FHIT: variants seen among roughly 807,000 people sequenced by gnomAD.
FHIT encodes the protein fragile histidine triad diadenosine triphosphatase.
A neutral mutation model predicts 17.9 loss-of-function variants in FHIT; 19 were observed. That is an observed-to-expected ratio of 1.06 (90% CI 0.74 to 1.56). FHIT has a LOEUF of 1.56. Among genes scored for constraint, FHIT ranks in the 40% most tolerant of loss-of-function variants. FHIT has a pLI of 0.00. For missense variants in FHIT, 248 were observed against 189.2 expected (o/e 1.31, Z -1.82); for synonymous variants, 81 against 69.7 (o/e 1.16, Z -0.81).
rs1321577831 is a variant in FHIT at position 60,895,661 on chromosome 3, CCTTCCTTTCTTTCTTTCTTTCTTT to C, written c.-110-73674_-110-73651del. Among the ~76,000 whole-genome samples the C allele has an allele frequency of 5.9e-3, 825 of 139,164 alleles. 21 individuals carry two copies. The highest frequency in any genetic ancestry group is 0.023 in the African/African-American group (771 of 34,160). The allele number at this position is 139,164 out of a possible 152,430, so 91.3% of individuals were successfully genotyped here. ...CTTTCCTTCCTTTCCCTCCTTCCTT[CCTTCCTTTCTTTCTTTCTTTCTTT>C]CTTTCTTTCTTTCTTTCTTTCTTTC... On this transcript the variant is annotated intron_variant, in intron 3 of 9. Transcript: ENST00000492590.
At chr3:60,991,048 A>T (rs1198318136) in intron 3 of FHIT, among the ~76,000 whole-genome samples, 2 of 152,190 alleles carry the variant, frequency 1.3e-5, no homozygotes, top group Admixed American at 1.3e-4. Flanking sequence ...TTGGGAAAAA[A>T]ATAAAGTAAG....
intron 5 of FHIT, among the ~76,000 whole-genome samples, chr3:60,170,660 AAATC>A (rs1701379203): frequency 6.6e-6 from 1 of 152,138 alleles, no homozygotes; most frequent in African/African-American, 2.4e-5. Flanking sequence ...AAATGAAAGA[AAATC>A]AAAGCAGGTT....
intron 5 of FHIT, among the ~76,000 whole-genome samples, chr3:60,105,783 T>G (rs1437106712): frequency 6.6e-6 from 1 of 152,144 alleles, no homozygotes; most frequent in Non-Finnish European, 1.5e-5. Flanking sequence ...CATCATGAAG[T>G]ATTTTACTTT....
chr3:60,029,338 TA>T (rs928054260), intron 5 of FHIT, among the ~76,000 whole-genome samples: 1 of 152,088 alleles, frequency 6.6e-6, no homozygotes, highest in Non-Finnish European at 1.5e-5. Context: ...TCCAATGTGT[TA>T]AAAAATATTG....
chr3:60,613,270 T>C (rs1027285518), intron 4 of FHIT, among the ~76,000 whole-genome samples: 3 of 152,132 alleles, frequency 2.0e-5, no homozygotes, highest in African/African-American at 7.2e-5. Context: ...AGTACAACCC[T>C]GAGACCTGTC....
chr3:59,875,431 GTCC>G (rs1703108413), intron 8 of FHIT, among the ~76,000 whole-genome samples: 1 of 152,164 alleles, frequency 6.6e-6, no homozygotes. Context: ...CCTGCCTGGC[GTCC>G]TCAAGACTCT....
At chr3:61,054,036 C>G (rs1189918786) in intron 2 of FHIT, among the ~76,000 whole-genome samples, 5 of 152,196 alleles carry the variant, frequency 3.3e-5, no homozygotes, top group South Asian at 4.1e-4. Flanking sequence ...CCTGTCTGAA[C>G]AGGCTCTCAC....
chr3:60,940,257 C>A (rs1553774141), intron 3 of FHIT, among the ~76,000 whole-genome samples: 1 of 151,906 alleles, frequency 6.6e-6, no homozygotes. Flanking sequence ...GAAAAATTGC[C>A]CTGTAAATCA....
chr3:60,490,824 T>C (rs1176513332), intron 5 of FHIT, among the ~76,000 whole-genome samples: 4 of 152,198 alleles, frequency 2.6e-5, no homozygotes, highest in Non-Finnish European at 4.4e-5. Flanking sequence ...ACAGGGTAGA[T>C]AGTAGCATCA....
At chr3:60,244,488 A>C (rs1347154714) in intron 5 of FHIT, among the ~76,000 whole-genome samples, 4 of 152,102 alleles carry the variant, frequency 2.6e-5, no homozygotes, top group African/African-American at 9.7e-5. Flanking sequence ...TAACAAGATA[A>C]TCATGAGCCT....
intron 4 of FHIT, among the ~76,000 whole-genome samples, chr3:60,698,338 T>G (rs1553701225): frequency 1.3e-5 from 2 of 152,112 alleles, no homozygotes; most frequent in Non-Finnish European, 2.9e-5. Context: ...AAAGAGGCGT[T>G]TCAGGAATAT....
At chr3:60,370,724 T>A (rs935136000) in intron 5 of FHIT, among the ~76,000 whole-genome samples, 2 of 152,198 alleles carry the variant, frequency 1.3e-5, no homozygotes, top group Admixed American at 6.5e-5. Flanking sequence ...TTTCCATCTC[T>A]GCTCTAATGC....
At chr3:60,159,324 T>G (rs188181148) in intron 5 of FHIT, among the ~76,000 whole-genome samples, 251 of 152,270 alleles carry the variant, frequency 1.6e-3, no homozygotes, top group Middle Eastern at 3.4e-3. Context: ...TTTTGCCATG[T>G]TACCCAGGCT....
At chr3:60,562,845 T>G (rs1167079854) in intron 4 of FHIT, among the ~76,000 whole-genome samples, 2 of 152,160 alleles carry the variant, frequency 1.3e-5, no homozygotes, top group African/African-American at 4.8e-5. Flanking sequence ...TTGTTTATTT[T>G]GGAATTCATT....
intron 7 of FHIT, among the ~76,000 whole-genome samples, chr3:59,947,940 C>A (rs1240436649): frequency 1.3e-5 from 2 of 152,058 alleles, no homozygotes; most frequent in Non-Finnish European, 2.9e-5. Context: ...AACATTAATG[C>A]CCTTGAGATC....
intron 4 of FHIT, among the ~76,000 whole-genome samples, chr3:60,762,328 G>C (rs1699685615): frequency 6.6e-6 from 1 of 152,158 alleles, no homozygotes; most frequent in Non-Finnish European, 1.5e-5. Context: ...TTGATAGGCA[G>C]GGCTTCCAAA....
intron 7 of FHIT, among the ~76,000 whole-genome samples, chr3:60,008,184 T>C (rs1160429437): frequency 3.3e-5 from 5 of 152,016 alleles, no homozygotes; most frequent in Non-Finnish European, 7.4e-5. Context: ...GAGTAGGGGC[T>C]TTAGGAGAGC....
At chr3:59,902,166 G>A (rs1379849607) in intron 8 of FHIT, among the ~76,000 whole-genome samples, 1 of 152,032 alleles carries the variant, frequency 6.6e-6, no homozygotes, top group Non-Finnish European at 1.5e-5. Context: ...TTTTCCGAAG[G>A]GGACATACAA....
At chr3:60,144,271 G>A (rs1451147597) in intron 5 of FHIT, among the ~76,000 whole-genome samples, 2 of 152,182 alleles carry the variant, frequency 1.3e-5, no homozygotes, top group Non-Finnish European at 1.5e-5. Flanking sequence ...AATAACAACA[G>A]TAATAGCTGA....
Sources: gnomAD v4.1 joint callset for allele counts (sites outside exome capture counted in the v4.1 genomes callset) on GRCh38, gnomAD v4.1.1 for gene constraint, MANE v1.5 for transcripts, NCBI Gene and HGNC (gene_info 2026-07-23, HGNC 2026-07-21) for gene names.